Variants in LRRC37A2 observed in about 807,000 individuals in gnomAD.
LRRC37A2 encodes the protein leucine rich repeat containing 37 member A2.
LRRC37A2 carries 9 observed loss-of-function variants against 68.8 expected under a neutral mutation model. The ratio of observed to expected loss-of-function variants is 0.13; its 90% CI spans 0.08 to 0.23. LRRC37A2 has a LOEUF of 0.23. Ranked by LOEUF, LRRC37A2 falls within the 10% of genes least tolerant of loss-of-function variation. The pLI, the probability that LRRC37A2 is intolerant of heterozygous loss-of-function variation, is 1.00. For synonymous variants in LRRC37A2, 63 were observed against 367.6 expected, an observed-to-expected ratio of 0.17 and a Z score of 9.48; for missense variants, 168 against 950.4, an observed-to-expected ratio of 0.18 and a Z score of 10.82.
At chr17:46,931,382 A>T in the LRRC37A2 span, 1 of 629,344 alleles carries the variant, frequency 1.6e-6, no homozygotes, top group Non-Finnish European at 2.9e-6. Context: ...TGCCGCTCAA[A>T]ATAAATAGCC....
chr17:46,598,941 A>G, the LRRC37A2 span, among the ~76,000 whole-genome samples: 1 of 138,868 alleles, frequency 7.2e-6, no homozygotes, highest in African/African-American at 2.8e-5. Context: ...AGTTTTGTGT[A>G]TCGCTTTAGT....
chr17:46,890,346 C>T, the LRRC37A2 span, among the ~76,000 whole-genome samples: 306 of 152,200 alleles, frequency 2.0e-3, 1 homozygote, highest in Non-Finnish European at 3.0e-3. Flanking sequence ...GTCTGTGAGT[C>T]CCCTGGTGGG....
the LRRC37A2 span, chr17:46,851,550 C>A: frequency 2.9e-6 from 2 of 688,596 alleles, no homozygotes; most frequent in Middle Eastern, 5.0e-4. This position sits in a 1 kb window ranked among gnomAD's most constrained non-coding sequence, Gnocchi z 4.3. Flanking sequence ...CCGCCCCACC[C>A]GGGTTTAAAG....
At chr17:46,858,205 C>T in the LRRC37A2 span, among the ~76,000 whole-genome samples, 29 of 152,218 alleles carry the variant, frequency 1.9e-4, no homozygotes, top group Admixed American at 1.8e-3. Context: ...GCTGGGATTA[C>T]AGGCGTGAGC....
At chr17:47,001,029 G>C in the LRRC37A2 span, among the ~76,000 whole-genome samples, 1 of 152,084 alleles carries the variant, frequency 6.6e-6, no homozygotes, top group Non-Finnish European at 1.5e-5. Flanking sequence ...CCAGTTACTT[G>C]GGAGACTGAG....
the LRRC37A2 span, among the ~76,000 whole-genome samples, chr17:46,875,761 A>G: frequency 1.3e-5 from 2 of 152,144 alleles, no homozygotes; most frequent in East Asian, 3.9e-4. Context: ...CCACTTCTCC[A>G]TTTTATGGGT....
chr17:46,983,538 C>T, the LRRC37A2 span, among the ~76,000 whole-genome samples: 277 of 152,228 alleles, frequency 1.8e-3, 2 homozygotes, highest in Admixed American at 6.5e-4. Context: ...AGATGATCCA[C>T]CTGCCTCGGC....
At chr17:46,707,339 G>T in the LRRC37A2 span, among the ~76,000 whole-genome samples, 1 of 152,046 alleles carries the variant, frequency 6.6e-6, no homozygotes, top group African/African-American at 2.4e-5. Flanking sequence ...ATTGATACAA[G>T]TTCTTTATAT....
chr17:46,520,011 G>T (rs1235959338), intron 3 of LRRC37A2, among the ~76,000 whole-genome samples: 1 of 83,504 alleles, frequency 1.2e-5, no homozygotes, highest in East Asian at 2.4e-4. Context: ...GCTTGAGTGT[G>T]TGTGTGTGTG....
At chr17:46,384,364 G>T in the LRRC37A2 span, among the ~76,000 whole-genome samples, 1 of 72,164 alleles carries the variant, frequency 1.4e-5, no homozygotes, top group African/African-American at 3.9e-5. Flanking sequence ...GAGGCGGGTG[G>T]ATCACTTGAA....
At chr17:46,710,612 T>A in the LRRC37A2 span, among the ~76,000 whole-genome samples, 1 of 152,198 alleles carries the variant, frequency 6.6e-6, no homozygotes, top group Non-Finnish European at 1.5e-5. Flanking sequence ...GTCCATAATC[T>A]CTTTTTTCCT....
chr17:46,952,105 T>C, the LRRC37A2 span, among the ~76,000 whole-genome samples: 1 of 152,238 alleles, frequency 6.6e-6, no homozygotes, highest in Non-Finnish European at 1.5e-5. Context: ...ATTTTCTTTC[T>C]ATTCCAGAAA....
the LRRC37A2 span, among the ~76,000 whole-genome samples, chr17:47,003,906 T>C: frequency 6.6e-6 from 1 of 152,182 alleles, no homozygotes; most frequent in African/African-American, 2.4e-5. Flanking sequence ...GTGTGTGATA[T>C]TCCCCTTCCT....
the LRRC37A2 span, among the ~76,000 whole-genome samples, chr17:46,709,648 C>G: frequency 6.6e-6 from 1 of 152,086 alleles, no homozygotes. Flanking sequence ...GCACACACCA[C>G]CACACCCAGC....
chr17:46,809,807 G>A, the LRRC37A2 span, among the ~76,000 whole-genome samples: 5 of 152,008 alleles, frequency 3.3e-5, no homozygotes, highest in African/African-American at 1.2e-4. Context: ...AGGCCTCTGT[G>A]CCCTCTCCCA....
the LRRC37A2 span, among the ~76,000 whole-genome samples, chr17:46,912,226 G>A: frequency 6.6e-6 from 1 of 152,206 alleles, no homozygotes; most frequent in African/African-American, 2.4e-5. Context: ...TCTCTAGTCT[G>A]GGAGGGCTTC....
chr17:46,805,160 C>T, the LRRC37A2 span, among the ~76,000 whole-genome samples: 4 of 152,030 alleles, frequency 2.6e-5, no homozygotes, highest in East Asian at 1.9e-4. Flanking sequence ...AACCCTGGTC[C>T]TCAAGTGCAA....
chr17:46,759,010 G>T, the LRRC37A2 span, among the ~76,000 whole-genome samples: 1 of 152,166 alleles, frequency 6.6e-6, no homozygotes, highest in African/African-American at 2.4e-5. Context: ...TTCGACGCCA[G>T]CCTGACCAAC....
chr17:46,836,795 A>C, the LRRC37A2 span, among the ~76,000 whole-genome samples: 1 of 152,208 alleles, frequency 6.6e-6, no homozygotes, highest in Non-Finnish European at 1.5e-5. Context: ...CTGTTGACAC[A>C]CAAGTATGCT....
Sources: gnomAD v4.1 joint callset for allele counts (sites outside exome capture counted in the v4.1 genomes callset) on GRCh38, gnomAD v4.1.1 for gene constraint, Gnocchi (gnomAD v3.1) non-coding constraint, MANE v1.5 for transcripts, NCBI Gene and HGNC (gene_info 2026-07-23, HGNC 2026-07-21) for gene names.